The following DLGAP1 variants were observed in gnomAD, a reference collection of about 807,000 sequenced individuals.
DLGAP1 encodes disks large-associated protein 1.
In DLGAP1, 11 loss-of-function variants were observed where a neutral mutation model predicts 90.8. The observed-to-expected ratio is 0.12, with a 90% CI of 0.08 to 0.20. The LOEUF is 0.20. DLGAP1 is among the 10% of genes least tolerant of loss of function. The pLI, the probability that DLGAP1 is intolerant of heterozygous loss-of-function variation, is 1.00. For missense variants in DLGAP1, 1,050 were observed against 1,333.8 expected, an observed-to-expected ratio of 0.79 and a Z score of 3.31; for synonymous variants, 558 against 540.7, an observed-to-expected ratio of 1.03 and a Z score of -0.44.
chr18:4,310,322 A>T (rs73942775), intron 1 of DLGAP1, among the ~76,000 whole-genome samples: 4,710 of 152,236 alleles, frequency 0.031, 171 homozygotes, highest in African/African-American at 0.095. Context: ...GCATATGTGC[A>T]TATGCTCAAC....
chr18:3,630,841 G>A (rs964870841), intron 7 of DLGAP1, among the ~76,000 whole-genome samples: 2 of 152,156 alleles, frequency 1.3e-5, no homozygotes, highest in African/African-American at 4.8e-5. Context: ...TTGGCTGTAT[G>A]TGGCACTTTG....
chr18:3,838,601 C>T (rs1233337301), intron 4 of DLGAP1, among the ~76,000 whole-genome samples: 1 of 152,174 alleles, frequency 6.6e-6, no homozygotes, highest in Non-Finnish European at 1.5e-5. Flanking sequence ...TGGATATATG[C>T]TGTAGACATT....
At chr18:4,328,331 T>C (rs954371323) in intron 1 of DLGAP1, among the ~76,000 whole-genome samples, 1 of 152,002 alleles carries the variant, frequency 6.6e-6, no homozygotes, top group African/African-American at 2.4e-5. Flanking sequence ...TCTTTTCACT[T>C]AGTAAAATGA....
At chr18:4,125,861 G>A (rs2076224479) in intron 2 of DLGAP1, among the ~76,000 whole-genome samples, 1 of 152,122 alleles carries the variant, frequency 6.6e-6, no homozygotes, top group African/African-American at 2.4e-5. Flanking sequence ...ATTAGAGCAG[G>A]GCACTGGGTT....
chr18:3,926,415 T>C (rs1403581225), intron 3 of DLGAP1, among the ~76,000 whole-genome samples: 2,393 of 122,716 alleles, frequency 0.02, 54 homozygotes, highest in African/African-American at 0.06. Flanking sequence ...TATATATATA[T>C]ATATATACAC....
At chr18:4,097,453 C>T (rs371088752) in intron 2 of DLGAP1, among the ~76,000 whole-genome samples, 14 of 152,326 alleles carry the variant, frequency 9.2e-5, no homozygotes, top group East Asian at 3.9e-4. Context: ...GTGCTCACCA[C>T]GTGGTACTGA....
chr18:3,988,644 G>A (rs2073891109), intron 3 of DLGAP1, among the ~76,000 whole-genome samples: 1 of 152,216 alleles, frequency 6.6e-6, no homozygotes, highest in South Asian at 2.1e-4. Flanking sequence ...AAATGATGGG[G>A]AGCGGCTGCA....
intron 1 of DLGAP1, among the ~76,000 whole-genome samples, chr18:4,151,576 A>C (rs1022037650): frequency 6.6e-6 from 1 of 152,272 alleles, no homozygotes; most frequent in African/African-American, 2.4e-5. Context: ...TTTAAAAAGC[A>C]ATAAAATGCA....
In DLGAP1 at chr18:3,811,030, T is replaced by C. The variant is rs182196084; in HGVS notation, c.1172+3029A>G. 2.6e-4 allele frequency among the ~76,000 whole-genome samples: 39 copies of C among 152,258 alleles called. 1 individual carries two copies. The highest frequency in any genetic ancestry group is 9.1e-4 in the African/African-American group (38 of 41,546). ...CATGTTGCCCAGGCTGGTCTCGAACTCCTGGGCCCAAGCAATCTGCCCACC... is the reference window on the plus strand; with the variant it reads ...CATGTTGCCCAGGCTGGTCTCGAACCCCTGGGCCCAAGCAATCTGCCCACC... On this transcript the variant is annotated intron_variant, in intron 5 of 12. Coordinates refer to ENST00000315677, the MANE Select transcript of DLGAP1 (RefSeq NM_004746.4).
At chr18:3,732,455 T>A (rs946826507) in intron 6 of DLGAP1, among the ~76,000 whole-genome samples, 5 of 149,182 alleles carry the variant, frequency 3.4e-5, no homozygotes, top group Admixed American at 6.6e-5. Context: ...TACTTAATGA[T>A]TTAGTTCATA....
At chr18:3,955,216 A>T (rs1331375874) in intron 3 of DLGAP1, among the ~76,000 whole-genome samples, 2 of 152,210 alleles carry the variant, frequency 1.3e-5, no homozygotes, top group African/African-American at 4.8e-5. Flanking sequence ...CTCTTGTTTT[A>T]GTAAGTGGGG....
chr18:4,073,236 T>A (rs754793050), intron 2 of DLGAP1, among the ~76,000 whole-genome samples: 7 of 152,200 alleles, frequency 4.6e-5, no homozygotes, highest in Non-Finnish European at 1.0e-4. Flanking sequence ...GTAACCAGGC[T>A]CTTAACTCAT....
intron 5 of DLGAP1, among the ~76,000 whole-genome samples, chr18:3,771,676 G>GA (rs1386647058): frequency 6.6e-6 from 1 of 152,214 alleles, no homozygotes; most frequent in Non-Finnish European, 1.5e-5. Flanking sequence ...CTTAATCAAA[G>GA]AATCAAAGGA....
chr18:3,597,098 T>G, intron 7 of DLGAP1: 1 of 520,048 alleles, frequency 1.9e-6, no homozygotes, highest in Non-Finnish European at 3.8e-6. Flanking sequence ...ACTCTTTTTT[T>G]TTTCACTCTC....
At chr18:3,737,234 C>A (rs570244276) in intron 6 of DLGAP1, among the ~76,000 whole-genome samples, 6 of 152,160 alleles carry the variant, frequency 3.9e-5, no homozygotes, top group African/African-American at 1.4e-4. Flanking sequence ...CTATTCCAAT[C>A]ACTAGAAAAA....
intron 1 of DLGAP1, among the ~76,000 whole-genome samples, chr18:4,314,095 T>G (rs951806197): frequency 5.3e-5 from 8 of 152,166 alleles, no homozygotes; most frequent in African/African-American, 1.9e-4. Flanking sequence ...CCCTTCCTCA[T>G]GCAGATGTAA....
chr18:4,309,668 C>T (rs2080350054), intron 1 of DLGAP1, among the ~76,000 whole-genome samples: 1 of 152,130 alleles, frequency 6.6e-6, no homozygotes, highest in Non-Finnish European at 1.5e-5. Flanking sequence ...AAGGAAGCAA[C>T]ATGATGTCTT....
At chr18:3,835,388 C>T (rs367666112) in intron 4 of DLGAP1, among the ~76,000 whole-genome samples, 11 of 151,976 alleles carry the variant, frequency 7.2e-5, no homozygotes, top group Admixed American at 3.3e-4. Context: ...TGGTGGCTCA[C>T]GCCTGTAATC....
rs140422085 is a variant in DLGAP1, at chr18:3,814,419, T to C, written c.958-146A>G. The C allele has an allele frequency of 1.8e-4, 136 of 759,490 alleles. No individual in the cohort carries two copies. In the African/African-American group the frequency reaches 2.3e-3, roughly 13 times the overall value. 47.0% of individuals were successfully genotyped at this position (759,490 alleles called of 1,614,324 possible). A position where few individuals can be genotyped will look rare whatever the true frequency, so the allele number is the denominator to read the frequency against. ...CTTTGTCGCCCAGACTGGAGTGCAG[T>C]GGTGCAATCTTGGCTCACTGCAAGC... On this transcript the variant is annotated intron_variant, in intron 4 of 12. Coordinates refer to ENST00000315677, the MANE Select transcript of DLGAP1 (RefSeq NM_004746.4).
Sources: allele counts gnomAD v4.1 joint callset (sites outside exome capture counted in the v4.1 genomes callset), GRCh38; gene constraint gnomAD v4.1.1; transcripts MANE v1.5; gene names NCBI Gene and HGNC (gene_info 2026-07-23, HGNC 2026-07-21).